The following FHIT variants were observed in gnomAD, a reference collection of about 807,000 sequenced individuals.
The protein encoded by FHIT is fragile histidine triad diadenosine triphosphatase, also known as bis(5'-adenosyl)-triphosphatase.
Under a neutral mutation model 17.9 loss-of-function variants are expected in FHIT, and 19 were observed. The ratio of observed to expected loss-of-function variants is 1.06; its 90% confidence interval spans 0.74 to 1.56. The LOEUF (loss-of-function observed/expected upper bound fraction) is 1.56. FHIT is among the 40% of genes most tolerant of loss of function. FHIT has a pLI of 0.00. For missense variants in FHIT, 248 were observed against 189.2 expected, an observed-to-expected ratio of 1.31 and a Z score of -1.82; for synonymous variants, 81 against 69.7, an observed-to-expected ratio of 1.16 and a Z score of -0.81.
chr3:60,135,892 A>T (rs1355509878), intron 5 of FHIT, among the ~76,000 whole-genome samples: 3 of 152,174 alleles, frequency 2.0e-5, no homozygotes, highest in Non-Finnish European at 2.9e-5. Flanking sequence ...GTGGCTCAAA[A>T]TCTAAATCCA....
At chr3:59,987,356 T>C (rs189187345) in intron 7 of FHIT, among the ~76,000 whole-genome samples, 2 of 152,018 alleles carry the variant, frequency 1.3e-5, no homozygotes, top group East Asian at 3.9e-4. Flanking sequence ...AAGGATGATC[T>C]ATTAGTTCAT....
rs573362700 is a variant in FHIT, at chr3:60,442,296, A to G, written c.103+94564T>C. 2.0e-5 allele frequency among the ~76,000 whole-genome samples: 3 copies of G among 152,260 alleles called. No individual in the cohort carries two copies. The East Asian group carries it at 5.8e-4, about 29-fold the overall frequency. On this transcript the variant is annotated intron_variant, in intron 5 of 9. Coordinates refer to ENST00000492590, the MANE Select transcript of FHIT (RefSeq NM_002012.4). ...GACAAAGACTTTTTACATAGAATCA[A>G]AAGAACTTCTGGTGGTGGGAAGATG...
chr3:60,399,025 G>C (rs1701563526), intron 5 of FHIT, among the ~76,000 whole-genome samples: 2 of 152,092 alleles, frequency 1.3e-5, no homozygotes, highest in African/African-American at 4.8e-5. Context: ...TTTGAAAGAT[G>C]CTAACATAAC....
At chr3:60,540,330 G>A (rs953311829) in intron 4 of FHIT, among the ~76,000 whole-genome samples, 3 of 152,118 alleles carry the variant, frequency 2.0e-5, no homozygotes, top group Non-Finnish European at 4.4e-5. Flanking sequence ...TGAATTCTTT[G>A]AGTTGTTCAA....
intron 4 of FHIT, chr3:60,690,536 A>C: frequency 5.4e-6 from 3 of 558,402 alleles, no homozygotes; most frequent in Non-Finnish European, 1.1e-5. Context: ...CCACCCTGAC[A>C]TACAAACCCT....
intron 5 of FHIT, among the ~76,000 whole-genome samples, chr3:60,147,648 A>G (rs1700296900): frequency 2.0e-5 from 3 of 152,198 alleles, no homozygotes; most frequent in Admixed American, 2.0e-4. Context: ...CAAAAGAGTA[A>G]GTAAAGAGCA....
chr3:60,887,575 G>C (rs1448035026), intron 3 of FHIT, among the ~76,000 whole-genome samples: 1 of 152,108 alleles, frequency 6.6e-6, no homozygotes, highest in Non-Finnish European at 1.5e-5. Flanking sequence ...GAACCCAGGA[G>C]GCAGAGGTTG....
chr3:59,807,788 T>C (rs1700260188), intron 8 of FHIT, among the ~76,000 whole-genome samples: 1 of 151,972 alleles, frequency 6.6e-6, no homozygotes, highest in African/African-American at 2.4e-5. Context: ...CGTGATGGTT[T>C]CCGCAAACAC....
At chr3:60,303,799 A>C (rs910754399) in intron 5 of FHIT, among the ~76,000 whole-genome samples, 1 of 152,124 alleles carries the variant, frequency 6.6e-6, no homozygotes, top group Non-Finnish European at 1.5e-5. Context: ...TGTGATTTTC[A>C]TATTGTTTGT....
At chr3:59,829,545 C>T (rs1266585083) in intron 8 of FHIT, among the ~76,000 whole-genome samples, 2 of 152,296 alleles carry the variant, frequency 1.3e-5, no homozygotes, top group African/African-American at 2.4e-5. Flanking sequence ...ATCTGTTAGC[C>T]TTCACTATCC....
chr3:61,003,068 C>T (rs935492265), intron 3 of FHIT, among the ~76,000 whole-genome samples: 13 of 152,184 alleles, frequency 8.5e-5, no homozygotes, highest in Admixed American at 7.2e-4. Context: ...ATTCTGATTA[C>T]TTGTGGCATT....
At chr3:60,072,063 C>T (rs1052734287) in intron 5 of FHIT, among the ~76,000 whole-genome samples, 2 of 150,122 alleles carry the variant, frequency 1.3e-5, no homozygotes, top group East Asian at 1.9e-4. Context: ...AGAGTGAGAA[C>T]AGACTAATAC....
At chr3:60,563,203 G>A (rs909607041) in intron 4 of FHIT, among the ~76,000 whole-genome samples, 1 of 152,098 alleles carries the variant, frequency 6.6e-6, no homozygotes, top group Non-Finnish European at 1.5e-5. Context: ...GACTTGAGTT[G>A]GTGAGGCAGC....
chr3:60,785,532 C>T lies in FHIT; in HGVS notation c.-18+36387G>A, dbSNP rs1156239100. 2.6e-5 allele frequency among the ~76,000 whole-genome samples: 4 copies of T among 152,160 alleles called. No homozygotes were observed. The East Asian group carries it at 7.7e-4, about 29-fold the overall frequency. ...GTTTATTTACTATTGCAGCCTGGCT[C>T]TCTGCTGTGTCTGAAAGTTGACCTT... is the stretch of plus-strand genomic sequence containing the variant. On this transcript the variant is annotated intron_variant, in intron 4 of 9. Coordinates refer to ENST00000492590, the MANE Select transcript of FHIT (RefSeq NM_002012.4).
intron 5 of FHIT, among the ~76,000 whole-genome samples, chr3:60,438,793 T>C (rs527603544): frequency 3.7e-4 from 56 of 152,180 alleles, no homozygotes; most frequent in African/African-American, 1.3e-3. Flanking sequence ...TGCAATTCCT[T>C]TGAGAACATA....
At chr3:61,210,925 T>C (rs907409867) in intron 1 of FHIT, among the ~76,000 whole-genome samples, 5 of 151,864 alleles carry the variant, frequency 3.3e-5, no homozygotes, top group African/African-American at 4.8e-5. Context: ...ACTGGAACTG[T>C]TCCTATTCGG....
Position 60,526,137 on chromosome 3 carries a change from TACAC to T in FHIT, c.103+10719_103+10722del, listed in dbSNP as rs59137290. Reference sequence around the variant, plus strand: ...AACACAAAATGAAACACACAACACATACACACACACACACACACACACACACAAA... The same window carrying T: ...AACACAAAATGAAACACACAACACATACACACACACACACACACACACAAA... On this transcript the variant is annotated intron_variant, in intron 5 of 9. Transcript: ENST00000492590. 1.0e-3 allele frequency among the ~76,000 whole-genome samples: 152 copies of T among 148,016 alleles called. 1 individual carries two copies. Among genetic ancestry groups the T allele is most frequent in the Middle Eastern group, 3.4e-3 (1 of 290 alleles).
Position 60,172,390 on chromosome 3 carries a change from C to T in FHIT, c.104-158238G>A, listed in dbSNP as rs561565769. Among the ~76,000 whole-genome samples the T allele has an allele frequency of 2.6e-3, 395 of 152,002 alleles. 2 individuals are homozygous for T. The highest frequency in any genetic ancestry group is 4.7e-3 in the Non-Finnish European group (321 of 67,988). On this transcript the variant is annotated intron_variant, in intron 5 of 9. Transcript: ENST00000492590. Reference sequence around the variant, plus strand: ...GAGTGATTCTCCTGCCTCAGCACCCCGAGTAGCTGGGATTACAGGCATGCA... The same window carrying T: ...GAGTGATTCTCCTGCCTCAGCACCCTGAGTAGCTGGGATTACAGGCATGCA...
intron 3 of FHIT, among the ~76,000 whole-genome samples, chr3:60,934,172 G>A (rs1438165396): frequency 6.6e-6 from 1 of 152,152 alleles, no homozygotes; most frequent in African/African-American, 2.4e-5. Context: ...TGGGAGAGGT[G>A]AGATCAGAGA....
Sources: gnomAD v4.1 joint callset for allele counts (sites outside exome capture counted in the v4.1 genomes callset) on GRCh38, gnomAD v4.1.1 for gene constraint, MANE v1.5 for transcripts, NCBI Gene and HGNC (gene_info 2026-07-23, HGNC 2026-07-21) for gene names.